Variants in NETO2 observed in about 807,000 individuals in gnomAD.
NETO2 encodes the protein neuropilin and tolloid-like protein 2.
Under a neutral mutation model 62.5 loss-of-function variants are expected in NETO2, and 28 were observed. The observed-to-expected ratio is 0.45, with a 90% confidence interval of 0.33 to 0.61. NETO2 has a LOEUF of 0.61. Among genes scored for constraint, NETO2 ranks in the 20% least tolerant of loss-of-function variants. NETO2 has a pLI of 0.02. For synonymous variants in NETO2, 214 were observed against 219.1 expected, an observed-to-expected ratio of 0.98 and a Z score of 0.21; for missense variants, 548 against 643.2, an observed-to-expected ratio of 0.85 and a Z score of 1.60.
At chr16:47,109,380 A>G in intron 7 of NETO2, 103 bp downstream of exon 7, 2 of 604,012 alleles carry the variant, frequency 3.3e-6, no homozygotes, top group Non-Finnish European at 2.6e-6. Context: ...AAACAAAAAA[A>G]AACATCCTAA....
At position 47,137,050 on chromosome 16, in the gene NETO2, G is replaced by A. The variant is rs1022112313; in HGVS notation, c.35-5025C>T. Among the ~76,000 whole-genome samples the A allele has an allele frequency of 2.0e-5, 3 of 152,228 alleles. 1 individual carries two copies. Among genetic ancestry groups the A allele is most frequent in the Middle Eastern group, 3.4e-3 (1 of 294 alleles). On this transcript the variant is annotated intron_variant, in intron 1 of 8. Transcript: ENST00000562435. ...TATACATGTACAGATTCTAGTGTTG[G>A]TCAGGCTATAGGAAACTGACATACT... is the stretch of plus-strand genomic sequence containing the variant.
intron 1 of NETO2, among the ~76,000 whole-genome samples, chr16:47,139,597 A>G (rs1220357944): frequency 6.6e-6 from 1 of 152,222 alleles, no homozygotes; most frequent in Non-Finnish European, 1.5e-5. Context: ...ACTATTTGAC[A>G]TGGCAGTCAC....
In NETO2 at chr16:47,078,609, A is replaced by G. The variant is rs1007041014; in HGVS notation, c.*4612T>C. On this transcript the variant is annotated 3_prime_UTR_variant, in exon 9 of 9. Transcript: ENST00000562435. ...TATAAAACATAAGTGATTTTGCAGAAAACTAAAATATCCAAGATAATCTTG... is the reference window on the plus strand; with the variant it reads ...TATAAAACATAAGTGATTTTGCAGAGAACTAAAATATCCAAGATAATCTTG... 60 of 152,270 alleles carry G rather than the reference A, an allele frequency of 3.9e-4. No individual in the cohort carries two copies. Among genetic ancestry groups the G allele is most frequent in the African/African-American group, 1.3e-3 (55 of 41,482 alleles). 9.4% of individuals were successfully genotyped at this position (152,270 alleles called of 1,614,324 possible). A position where few individuals can be genotyped will look rare whatever the true frequency, so the allele number is the denominator to read the frequency against.
At chr16:47,097,932 G>T (rs1963462585) in intron 7 of NETO2, among the ~76,000 whole-genome samples, 1 of 152,204 alleles carries the variant, frequency 6.6e-6, no homozygotes, top group Admixed American at 6.5e-5. Context: ...CCGCAGAGGG[G>T]CCTGACTGTT....
At chr16:47,115,683 T>C (rs1963896739) in intron 6 of NETO2, among the ~76,000 whole-genome samples, 2 of 128,124 alleles carry the variant, frequency 1.6e-5, no homozygotes, top group Admixed American at 7.4e-5. Context: ...GCAGCCACCA[T>C]GCCCGGCTAA....
At chr16:47,085,974 C>A (rs973096122) in intron 8 of NETO2, among the ~76,000 whole-genome samples, 1 of 151,732 alleles carries the variant, frequency 6.6e-6, no homozygotes, top group African/African-American at 2.4e-5. Context: ...GGCGTGGTGG[C>A]AGGCACCTGT....
In NETO2 at chr16:47,108,597, G is replaced by T. The variant is rs115418601; in HGVS notation, c.883+886C>A. On this transcript the variant is annotated intron_variant, in intron 7 of 8. Transcript: ENST00000562435. ...AACTGATGGACATTCTACTAAACTGGCTAGCTAGTACTCTTGACAATGTGC... is the reference window on the plus strand; with the variant it reads ...AACTGATGGACATTCTACTAAACTGTCTAGCTAGTACTCTTGACAATGTGC... Among the ~76,000 whole-genome samples the T allele has an allele frequency of 6.8e-3, 1,031 of 152,206 alleles. 13 individuals carry two copies. The highest frequency in any genetic ancestry group is 0.023 in the African/African-American group (962 of 41,524).
intron 6 of NETO2, among the ~76,000 whole-genome samples, chr16:47,118,082 G>C (rs1441855790): frequency 3.9e-5 from 6 of 152,052 alleles, no homozygotes; most frequent in Non-Finnish European, 8.8e-5. Flanking sequence ...TAAATATTAT[G>C]CTGTGTGACT....
intron 6 of NETO2, among the ~76,000 whole-genome samples, chr16:47,110,204 A>T (rs1031075896): frequency 6.6e-6 from 1 of 152,284 alleles, no homozygotes; most frequent in East Asian, 1.9e-4. Flanking sequence ...AGCCATACCT[A>T]TTCCCGGATG....
In NETO2 at chr16:47,081,162, G is replaced by T. The variant is rs1236627929; in HGVS notation, c.*2059C>A. ...ATTATAATCTAAAGATTAAATATAGGTTTAACAGCTATTTTAAAAAATGAA... is the reference window on the plus strand; with the variant it reads ...ATTATAATCTAAAGATTAAATATAGTTTTAACAGCTATTTTAAAAAATGAA... On this transcript the variant is annotated 3_prime_UTR_variant, in exon 9 of 9. Transcript: ENST00000562435. 2 of 152,026 alleles carry T rather than the reference G, an allele frequency of 1.3e-5. No homozygotes were observed. Among genetic ancestry groups the T allele is most frequent in the Non-Finnish European group, 2.9e-5 (2 of 67,956 alleles). The allele number at this position is 152,026 out of a possible 1,614,324, so 9.4% of individuals were successfully genotyped here.
At position 47,080,634 on chromosome 16, in the gene NETO2, A is replaced by G. The variant is rs1963046704; in HGVS notation, c.*2587T>C. The G allele has an allele frequency of 6.6e-6, 1 of 152,222 alleles. No homozygotes were observed. The highest frequency in any genetic ancestry group is 1.5e-5 in the Non-Finnish European group (1 of 68,030). 9.4% of individuals were successfully genotyped at this position (152,222 alleles called of 1,614,324 possible). A position where few individuals can be genotyped will look rare whatever the true frequency, so the allele number is the denominator to read the frequency against. ...AAATGAGATCTAATGCCCATCTATG[A>G]TTCAATGAAGGTGTATAACATGTGA... On this transcript the variant is annotated 3_prime_UTR_variant, in exon 9 of 9. Transcript: ENST00000562435.
chr16:47,127,156 TA>T (rs1346275398), intron 4 of NETO2, among the ~76,000 whole-genome samples: 2 of 152,202 alleles, frequency 1.3e-5, no homozygotes, highest in East Asian at 3.8e-4. Flanking sequence ...GCACGAAAAA[TA>T]AAAGCAAAAA....
At chr16:47,112,146 A>G (rs985300901) in intron 6 of NETO2, among the ~76,000 whole-genome samples, 1 of 152,156 alleles carries the variant, frequency 6.6e-6, no homozygotes, top group Non-Finnish European at 1.5e-5. Flanking sequence ...TTGAACTGCC[A>G]GGCTCAAGTG....
intron 7 of NETO2, among the ~76,000 whole-genome samples, chr16:47,095,878 G>C (rs62060595): frequency 6.6e-6 from 1 of 152,000 alleles, no homozygotes; most frequent in Non-Finnish European, 1.5e-5. Flanking sequence ...TTACACATCA[G>C]ACAGTCTCTA....
In NETO2 at chr16:47,083,657, T is replaced by C; in HGVS notation, c.1142A>G (p.Lys381Arg). The change falls in exon 9 of 9, where the codon AAA (lysine) becomes AGA (arginine). Residue 381 changes from lysine to arginine, a missense_variant. Transcript: ENST00000562435. The stretch of plus-strand genomic sequence containing the variant: ...GAACCCGGTTTTATTAAAAGCGGTT[T>C]TGCAAGCCATGACCTTTTTTCGAGG... ...KQPRKKVMACKTAFNKTGFQE... is the reference protein window; with the variant it reads ...KQPRKKVMACRTAFNKTGFQE... 8.1e-6 allele frequency: 13 copies of C among 1,614,200 alleles called. No individual in the cohort carries two copies. The highest frequency in any genetic ancestry group is 1.1e-5 in the Non-Finnish European group (13 of 1,180,030).
chr16:47,087,029 T>C (rs1247275875), intron 7 of NETO2, among the ~76,000 whole-genome samples: 2 of 54,568 alleles, frequency 3.7e-5, no homozygotes, highest in Non-Finnish European at 6.3e-5. Flanking sequence ...TATTTATAAT[T>C]AAATTTTTTT....
At chr16:47,097,871 C>A (rs1364151802) in intron 7 of NETO2, among the ~76,000 whole-genome samples, 1 of 152,164 alleles carries the variant, frequency 6.6e-6, no homozygotes, top group Non-Finnish European at 1.5e-5. Context: ...ACTAGTGATA[C>A]ACAGGCAAAC....
intron 2 of NETO2, among the ~76,000 whole-genome samples, chr16:47,131,239 T>G (rs1260250530): frequency 6.6e-6 from 1 of 152,094 alleles, no homozygotes; most frequent in East Asian, 1.9e-4. Flanking sequence ...GGACGGTAGG[T>G]GCGTGAAAGA....
chr16:47,109,626 G>C lies in NETO2; in HGVS notation c.740C>G (p.Ser247Cys). 1.2e-6 allele frequency: 2 copies of C among 1,614,062 alleles called. No homozygotes were observed. The highest frequency in any genetic ancestry group is 1.1e-5 in the South Asian group (1 of 91,074). Residue 247 changes from serine (S) to cysteine (C), a missense_variant, in exon 7 of 9, where the codon TCT becomes TGT. By Grantham distance (112) the Ser-to-Cys change is moderately radical. Transcript: ENST00000562435. ...NFVAVYDGSSSIENLKAKFCS... is the reference protein window; with the variant it reads ...NFVAVYDGSSCIENLKAKFCS... ...AAACTTGGCCTTCAGGTTTTCAATA[G>C]AACTGCTTCCATCATAGACTGCAAC... is the stretch of plus-strand genomic sequence containing the variant.
Sources: allele counts gnomAD v4.1 joint callset (sites outside exome capture counted in the v4.1 genomes callset), GRCh38; gene constraint gnomAD v4.1.1; transcripts MANE v1.5; gene names NCBI Gene and HGNC (gene_info 2026-07-23, HGNC 2026-07-21).